The following NAV2 variants were observed in gnomAD, a reference collection of about 807,000 sequenced individuals.
NAV2 encodes the protein helicase, APC down-regulated 1.
A neutral mutation model predicts 223.2 loss-of-function variants in NAV2; 54 were observed. The observed-to-expected ratio is 0.24, with a 90% CI of 0.19 to 0.30. NAV2 has a LOEUF of 0.30. Among genes scored for constraint, NAV2 ranks in the 10% least tolerant of loss-of-function variants. The pLI, the probability that NAV2 is intolerant of heterozygous loss-of-function variation, is 1.00. For synonymous variants in NAV2, 1,279 were observed against 1,239.3 expected, an observed-to-expected ratio of 1.03 and a Z score of -0.67; for missense variants, 2,806 against 3,147.5, an observed-to-expected ratio of 0.89 and a Z score of 2.60.
rs768954742 is a variant in NAV2, at chr11:20,080,051, C to A, written c.5180-13C>A. ...GGTTGGCAGCTGCTGAAACACCCTG[C>A]CTTGGTCTCCAGGAAACGGCACTGC... is the stretch of plus-strand genomic sequence containing the variant. On this transcript the variant is annotated splice_polypyrimidine_tract_variant and intron_variant, in intron 24 of 37. Transcript: ENST00000349880. 5 of 1,612,784 alleles carry A rather than the reference C, an allele frequency of 3.1e-6. No homozygotes were observed. The South Asian group carries it at 4.4e-5, about 14-fold the overall frequency.
Position 19,484,710 on chromosome 11 carries a change from T to C in NAV2, c.75+133683T>C, listed in dbSNP as rs372876852. On this transcript the variant is annotated intron_variant, in intron 1 of 37. Coordinates refer to the NAV2 transcript ENST00000360655. ...TGGCCAGCCCCTGAGCCCCCAGCTC[T>C]CCACCCGACATCCTCTCCAGCCCCA... Among the ~76,000 whole-genome samples, 1,398 of 152,274 alleles carry C rather than the reference T, an allele frequency of 9.2e-3. 25 individuals are homozygous for C. The highest frequency in any genetic ancestry group is 0.032 in the African/African-American group (1,313 of 41,550).
intron 26 of NAV2, among the ~76,000 whole-genome samples, chr11:20,084,318 G>A (rs547928267): frequency 3.9e-5 from 6 of 152,216 alleles, no homozygotes; most frequent in African/African-American, 9.6e-5. Context: ...ATCTGGTCTC[G>A]AACTCCTGAC....
chr11:19,733,393 G>A (rs1382235818), intron 1 of NAV2, among the ~76,000 whole-genome samples: 1 of 152,234 alleles, frequency 6.6e-6, no homozygotes, highest in East Asian at 1.9e-4. Flanking sequence ...TTGAGCTCAA[G>A]TCTGTTCAGT....
chr11:19,845,286 A>G (rs73435678), intron 3 of NAV2, among the ~76,000 whole-genome samples: 2 of 152,194 alleles, frequency 1.3e-5, no homozygotes, highest in African/African-American at 2.4e-5. Context: ...ATTAGACTTT[A>G]TCTGGGTGGC....
intron 1 of NAV2, among the ~76,000 whole-genome samples, chr11:19,482,830 C>G (rs556459836): frequency 2.6e-5 from 4 of 152,282 alleles, no homozygotes; most frequent in Admixed American, 6.5e-5. Context: ...TTCAGCCTTT[C>G]CCTAAGTGCC....
At chr11:20,006,241 G>A (rs1435347778) in intron 11 of NAV2, among the ~76,000 whole-genome samples, 1 of 152,198 alleles carries the variant, frequency 6.6e-6, no homozygotes, top group Admixed American at 6.5e-5. Flanking sequence ...TATAGACAAA[G>A]CAGACTGGGT....
chr11:19,722,854 G>A (rs535494465), intron 1 of NAV2, among the ~76,000 whole-genome samples: 1 of 152,318 alleles, frequency 6.6e-6, no homozygotes, highest in East Asian at 1.9e-4. Context: ...ACACTGTCTG[G>A]AGCCAGCATC....
At chr11:20,064,178 C>G (rs1275156705) in intron 20 of NAV2, among the ~76,000 whole-genome samples, 1 of 152,198 alleles carries the variant, frequency 6.6e-6, no homozygotes, top group African/African-American at 2.4e-5. Flanking sequence ...AGTAGATAAA[C>G]TATGTCCTTT....
chr11:19,534,125 T>C (rs1351364600), intron 1 of NAV2, among the ~76,000 whole-genome samples: 1 of 152,254 alleles, frequency 6.6e-6, no homozygotes, highest in Non-Finnish European at 1.5e-5. Context: ...TACAGCCCCA[T>C]GTCATAGGCC....
intron 1 of NAV2, among the ~76,000 whole-genome samples, chr11:19,495,887 TG>T (rs1201393970): frequency 6.6e-6 from 1 of 152,012 alleles, no homozygotes; most frequent in Non-Finnish European, 1.5e-5. Flanking sequence ...TAAGCAGATG[TG>T]GGGGTCAGTG....
intron 1 of NAV2, among the ~76,000 whole-genome samples, chr11:19,823,122 G>A (rs1402088568): frequency 2.6e-5 from 4 of 152,200 alleles, no homozygotes; most frequent in Non-Finnish European, 4.4e-5. Context: ...AGGGGTCACT[G>A]TAGCCTCGAC....
At chr11:19,988,648 C>T (rs781138509) in intron 11 of NAV2, among the ~76,000 whole-genome samples, 21 of 152,070 alleles carry the variant, frequency 1.4e-4, no homozygotes, top group Non-Finnish European at 2.4e-4. Context: ...TACAGACTTT[C>T]CAGGCTGCAT....
chr11:19,771,127 C>T (rs2055686437), intron 1 of NAV2, among the ~76,000 whole-genome samples: 2 of 152,010 alleles, frequency 1.3e-5, no homozygotes, highest in South Asian at 2.1e-4. Context: ...TTAATTATAC[C>T]AATGATAAGC....
At chr11:19,709,760 C>G (rs1453109155), upstream of NAV2, among the ~76,000 whole-genome samples, 1 of 151,778 alleles carries the variant, frequency 6.6e-6, no homozygotes, top group African/African-American at 2.4e-5. Flanking sequence ...ACTCCAGCTT[C>G]CAGCCTGGGA....
At position 20,095,780 on chromosome 11, in the gene NAV2, A is replaced by C. The variant is rs754042583; in HGVS notation, c.6012+13A>C. On this transcript the variant is annotated intron_variant, in intron 30 of 37. Coordinates refer to ENST00000349880, the MANE Select transcript of NAV2 (RefSeq NM_145117.5). ...ACGGCTGTTCAAAGTAAGTGTTTCA[A>C]GACAACGGCTACAGCATACTACCTA... The C allele has an allele frequency of 6.2e-7, 1 of 1,602,228 alleles. No individual in the cohort carries two copies. Among genetic ancestry groups the C allele is most frequent in the Admixed American group, 1.7e-5 (1 of 59,984 alleles).
intron 1 of NAV2, among the ~76,000 whole-genome samples, chr11:19,738,858 C>T (rs1367065912): frequency 6.6e-6 from 1 of 152,168 alleles, no homozygotes; most frequent in Admixed American, 6.5e-5. Context: ...TCCCTTGGAG[C>T]TCAGTAAATT....
rs368361166 is a variant in NAV2, at chr11:19,942,772, C to G, written c.2146+2999C>G. On this transcript the variant is annotated intron_variant, in intron 8 of 37. Transcript: ENST00000349880. ...GCCAAGGTGAGAGGATCGCTTGAGG[C>G]CAGGAGTTTGAGACTAGCCTGGGCA... Among the ~76,000 whole-genome samples, 365 of 152,242 alleles carry G rather than the reference C, an allele frequency of 2.4e-3. 11 individuals are homozygous for G. The South Asian group carries it at 0.074, about 31-fold the overall frequency.
At position 20,100,920 on chromosome 11, in the gene NAV2, G is replaced by A. The variant is rs1554965563; in HGVS notation, c.6182-17G>A. 9 of 1,608,996 alleles carry A rather than the reference G, an allele frequency of 5.6e-6. No homozygotes were observed. The highest frequency in any genetic ancestry group is 7.7e-6 in the Non-Finnish European group (9 of 1,175,500). On this transcript the variant is annotated splice_polypyrimidine_tract_variant and intron_variant, in intron 31 of 37. Transcript: ENST00000349880. ...TTCTACAGGGCTTCAGATGATTCCT[G>A]TCTCTCTCAAATGCAGGGCTCGCAG... is the stretch of plus-strand genomic sequence containing the variant.
At chr11:19,784,166 A>ATCACCTGAGGTTGAGAGT (rs1223048726) in intron 1 of NAV2, among the ~76,000 whole-genome samples, 1 of 152,018 alleles carries the variant, frequency 6.6e-6, no homozygotes, top group African/African-American at 2.4e-5. Context: ...AGGTGGGCAG[A>ATCACCTGAGGTTGAGAGT]TCACCTGAGG....
Sources: allele counts gnomAD v4.1 joint callset (sites outside exome capture counted in the v4.1 genomes callset), GRCh38; gene constraint gnomAD v4.1.1; transcripts MANE v1.5; gene names NCBI Gene and HGNC (gene_info 2026-07-23, HGNC 2026-07-21).